Variants in SORBS3 observed in about 807,000 individuals in gnomAD.
SORBS3 encodes vinexin.
In SORBS3, 69 loss-of-function variants were observed where a neutral mutation model predicts 98.0. The ratio of observed to expected loss-of-function variants is 0.70; its 90% confidence interval spans 0.58 to 0.86. SORBS3 has a LOEUF of 0.86. SORBS3 is among the 40% of genes least tolerant of loss of function. SORBS3 has a pLI of 0.00. For missense variants in SORBS3, 954 were observed against 908.5 expected, an observed-to-expected ratio of 1.05 and a Z score of -0.64; for synonymous variants, 394 against 355.4, an observed-to-expected ratio of 1.11 and a Z score of -1.22.
In SORBS3 at chr8:22,572,275, A is replaced by G. The variant is rs935923825; in HGVS notation, c.1848-65A>G. 1.5e-5 allele frequency: 20 copies of G among 1,327,356 alleles called. No homozygotes were observed. In the South Asian group the frequency reaches 2.1e-4, roughly 14 times the overall value. The allele number at this position is 1,327,356 out of a possible 1,614,324, so 82.2% of individuals were successfully genotyped here. ...AAGGGACCCTGGGGCATTCACAGGA[A>G]GCGGCAACACTTGGGTTAGAGCCTC... On this transcript the variant is annotated intron_variant, in intron 19 of 20. Transcript: ENST00000240123.
chr8:22,551,275 C>G (rs1459210629), upstream of SORBS3, among the ~76,000 whole-genome samples: 1 of 152,136 alleles, frequency 6.6e-6, no homozygotes, highest in Non-Finnish European at 1.5e-5. The surrounding 1 kb of genome is among the most constrained non-coding windows in gnomAD (Gnocchi z 5.8). Flanking sequence ...ACACGACCGG[C>G]CGCGCGCCGC....
chr8:22,548,016 G>C (rs1840034330), upstream of SORBS3, among the ~76,000 whole-genome samples: 1 of 152,232 alleles, frequency 6.6e-6, no homozygotes, highest in Admixed American at 6.5e-5. Context: ...GCAAGCCTGA[G>C]AGCCTAATTC....
At chr8:22,556,052 A>C (rs978935083) in intron 3 of SORBS3, among the ~76,000 whole-genome samples, 2 of 152,170 alleles carry the variant, frequency 1.3e-5, no homozygotes, top group African/African-American at 2.4e-5. Context: ...ATAGAGGCTG[A>C]GCTGCAATTC....
chr8:22,552,909 G>A (rs1165392682), intron 1 of SORBS3, among the ~76,000 whole-genome samples: 2 of 152,142 alleles, frequency 1.3e-5, no homozygotes, highest in Non-Finnish European at 2.9e-5. Context: ...CTGGGGAGCT[G>A]CTCCTCCTCC....
chr8:22,572,538 A>G, intron 20 of SORBS3, 92 bp downstream of exon 20: 1 of 1,015,216 alleles, frequency 9.9e-7, no homozygotes, highest in South Asian at 1.3e-5. Context: ...GCAAAGATTC[A>G]TGGCCGACCA....
upstream of SORBS3, chr8:22,551,877 C>G: frequency 2.0e-6 from 2 of 985,166 alleles, no homozygotes; most frequent in Non-Finnish European, 2.4e-6. This position sits in a 1 kb window ranked among gnomAD's most constrained non-coding sequence, Gnocchi z 5.8. Context: ...CCGGCCCGGC[C>G]CGTCCTGACC....
Position 22,561,862 on chromosome 8 carries a change from C to T in SORBS3, c.518-3C>T. The T allele has an allele frequency of 1.2e-6, 2 of 1,613,970 alleles. No individual in the cohort carries two copies. The highest frequency in any genetic ancestry group is 8.5e-7 in the Non-Finnish European group (1 of 1,179,826). On this transcript the variant is annotated splice_region_variant and splice_polypyrimidine_tract_variant and intron_variant, in intron 6 of 20. Coordinates refer to ENST00000240123, the MANE Select transcript of SORBS3 (RefSeq NM_005775.5). ...ATGCTTTCCTCGTGTACCTCCTCTG[C>T]AGACCCCAGGCATCTAGGAGCCCAG...
At chr8:22,569,298 G>A (rs1293851944) in intron 17 of SORBS3, 25 bp downstream of exon 17, 2 of 1,562,442 alleles carry the variant, frequency 1.3e-6, no homozygotes, top group Non-Finnish European at 8.7e-7. Context: ...AGACGGAGGG[G>A]TGGGTGGGGG....
rs79228320 is a variant in SORBS3, at chr8:22,567,421, T to C, written c.1305+246T>C. 8.5e-3 allele frequency among the ~76,000 whole-genome samples: 1,293 copies of C among 152,326 alleles called. 113 individuals carry two copies. In the East Asian group the frequency reaches 0.21, roughly 25 times the overall value. On this transcript the variant is annotated intron_variant, in intron 16 of 20. Coordinates refer to ENST00000240123, the MANE Select transcript of SORBS3 (RefSeq NM_005775.5). The stretch of plus-strand genomic sequence containing the variant: ...GCAGCCAGCTCCTCAACCATTCGTG[T>C]CCCAGACTTTCACCATTCAGATCCG...
chr8:22,565,546 T>C, intron 11 of SORBS3, 192 bp downstream of exon 11: 2 of 576,184 alleles, frequency 3.5e-6, no homozygotes, highest in Non-Finnish European at 5.2e-6. Flanking sequence ...GGGCGTCGAC[T>C]TTCGCAAGTG....
At chr8:22,550,569 G>A (rs1378654673), upstream of SORBS3, among the ~76,000 whole-genome samples, 3 of 152,202 alleles carry the variant, frequency 2.0e-5, no homozygotes, top group Non-Finnish European at 4.4e-5. Context: ...ATGTTTCAAG[G>A]CAACGGGGAG....
chr8:22,566,258 G>T, intron 12 of SORBS3, 87 bp from the exon 13 acceptor site: 3 of 1,481,094 alleles, frequency 2.0e-6, no homozygotes, highest in Non-Finnish European at 2.7e-6. Flanking sequence ...CAGGGATGGG[G>T]GCGATGGGGG....
At chr8:22,552,455 C>T (rs796985127) in intron 1 of SORBS3, among the ~76,000 whole-genome samples, 12 of 152,352 alleles carry the variant, frequency 7.9e-5, no homozygotes, top group African/African-American at 2.9e-4. Context: ...TAAGTCCTCC[C>T]TAAGTCTCCT....
At chr8:22,566,037 G>T in intron 12 of SORBS3, 165 bp downstream of exon 12, 1 of 582,388 alleles carries the variant, frequency 1.7e-6, no homozygotes, top group Non-Finnish European at 2.5e-6. Context: ...TCTCTGCGGG[G>T]CGCCGTTCCC....
At chr8:22,549,619 T>C (rs559987718), upstream of SORBS3, among the ~76,000 whole-genome samples, 2 of 152,248 alleles carry the variant, frequency 1.3e-5, no homozygotes, top group South Asian at 2.1e-4. Context: ...CCACGGAACA[T>C]GGTGGATTCT....
intron 1 of SORBS3, among the ~76,000 whole-genome samples, chr8:22,546,454 G>A (rs751315550): frequency 2.0e-5 from 3 of 152,016 alleles, no homozygotes; most frequent in African/African-American, 7.3e-5. Context: ...TCTCTCTTTC[G>A]TCTCTCCAGC....
At chr8:22,549,007 G>A (rs965290539), upstream of SORBS3, among the ~76,000 whole-genome samples, 1 of 152,238 alleles carries the variant, frequency 6.6e-6, no homozygotes, top group African/African-American at 2.4e-5. Context: ...ACAGACCCCT[G>A]TTGACGGTGA....
intron 7 of SORBS3, among the ~76,000 whole-genome samples, chr8:22,563,076 G>A (rs1203304033): frequency 2.0e-5 from 3 of 151,660 alleles, no homozygotes; most frequent in African/African-American, 7.3e-5. Flanking sequence ...CCGGGATTGC[G>A]CCACTGCACT....
intron 16 of SORBS3, among the ~76,000 whole-genome samples, chr8:22,568,025 T>G (rs1840471335): frequency 6.6e-6 from 1 of 151,968 alleles, no homozygotes; most frequent in South Asian, 2.1e-4. Context: ...TTTTTGTAAT[T>G]TTTTAGTAGA....
Sources: gnomAD v4.1 joint callset for allele counts (sites outside exome capture counted in the v4.1 genomes callset) on GRCh38, gnomAD v4.1.1 for gene constraint, Gnocchi (gnomAD v3.1) non-coding constraint, MANE v1.5 for transcripts, NCBI Gene and HGNC (gene_info 2026-07-23, HGNC 2026-07-21) for gene names.